The following AKAP11 variants were observed in gnomAD, a reference collection of about 807,000 sequenced individuals.
AKAP11 encodes the protein A-kinase anchoring protein 11.
AKAP11 carries 36 observed loss-of-function variants against 146.1 expected under a neutral mutation model. The observed-to-expected ratio is 0.25, with a 90% CI of 0.19 to 0.33. The LOEUF (loss-of-function observed/expected upper bound fraction) is 0.33. Ranked by LOEUF, AKAP11 falls within the 10% of genes least tolerant of loss-of-function variation. The probability of loss-of-function intolerance (pLI) is 1.00; values close to 1 mark genes in which losing one functional copy is unlikely to be tolerated. For missense variants in AKAP11, 2,201 were observed against 2,197.0 expected, an observed-to-expected ratio of 1.00 and a Z score of -0.04; for synonymous variants, 780 against 786.5, an observed-to-expected ratio of 0.99 and a Z score of 0.14.
intron 3 of AKAP11, among the ~76,000 whole-genome samples, chr13:42,286,876 C>T (rs1251423924): frequency 6.6e-6 from 1 of 152,166 alleles, no homozygotes; most frequent in African/African-American, 2.4e-5. Context: ...GGTTAACCTT[C>T]CATTTCTTGA....
At position 42,323,036 on chromosome 13, in the gene AKAP11, G is replaced by C. The variant is rs1466925773; in HGVS notation, c.*3808G>C. 3 of 152,670 alleles carry C rather than the reference G, an allele frequency of 2.0e-5. No individual in the cohort carries two copies. Among genetic ancestry groups the C allele is most frequent in the Non-Finnish European group, 4.4e-5 (3 of 67,992 alleles). The allele number at this position is 152,670 out of a possible 1,614,324, so 9.5% of individuals were successfully genotyped here. On this transcript the variant is annotated 3_prime_UTR_variant, in exon 13 of 13. Coordinates refer to ENST00000025301, the MANE Select transcript of AKAP11 (RefSeq NM_016248.4). ...TGCTCAGTTACTATATTAAGATCTTGTACTGTGTAACAGTAACTCTTTTTT... is the reference window on the plus strand; with the variant it reads ...TGCTCAGTTACTATATTAAGATCTTCTACTGTGTAACAGTAACTCTTTTTT...
rs1960980019 is a variant in AKAP11, at chr13:42,319,351, A to G, written c.*123A>G. The G allele has an allele frequency of 1.5e-6, 2 of 1,296,858 alleles. No homozygotes were observed. The highest frequency in any genetic ancestry group is 1.0e-6 in the Non-Finnish European group (1 of 964,564). The allele number at this position is 1,296,858 out of a possible 1,614,324, so 80.3% of individuals were successfully genotyped here. A position where few individuals can be genotyped will look rare whatever the true frequency, so the allele number is the denominator to read the frequency against. On this transcript the variant is annotated 3_prime_UTR_variant, in exon 13 of 13. Coordinates refer to ENST00000025301, the MANE Select transcript of AKAP11 (RefSeq NM_016248.4). ...CGTAAGTCAGTTGGGAGGCAAGTAA[A>G]TATAGCTTTCTGAGCGCTTTGTGTT...
intron 3 of AKAP11, 54 bp downstream of exon 3, chr13:42,286,453 T>C: frequency 7.7e-7 from 1 of 1,306,968 alleles, no homozygotes; most frequent in Non-Finnish European, 1.1e-6. Context: ...AAAATGTTGA[T>C]TTTTTTTTAA....
In AKAP11 at chr13:42,303,992, G is replaced by C. The variant is rs868186358; in HGVS notation, c.5117+129G>C. On this transcript the variant is annotated intron_variant, in intron 8 of 12. Transcript: ENST00000025301. ...TACATAAACAAAAGTTTTCCCTGTT[G>C]CATTTATGTATTGTTTCATATCCTA... 11 of 1,190,440 alleles carry C rather than the reference G, an allele frequency of 9.2e-6. 1 individual carries two copies. The Middle Eastern group carries it at 1.9e-3, about 210-fold the overall frequency. The allele number at this position is 1,190,440 out of a possible 1,614,324, so 73.7% of individuals were successfully genotyped here. A position where few individuals can be genotyped will look rare whatever the true frequency, so the allele number is the denominator to read the frequency against.
chr13:42,298,429 CT>C, intron 6 of AKAP11, 103 bp from the exon 7 acceptor site: 1 of 1,248,232 alleles, frequency 8.0e-7, no homozygotes, highest in Non-Finnish European at 1.1e-6. Context: ...GCATGAATTT[CT>C]TGTTTGTTTT....
chr13:42,301,958 C>T lies in AKAP11; in HGVS notation c.3212C>T (p.Thr1071Ile), dbSNP rs1199375072. The part of the protein sequence containing the change: ...GQENPFPHSH[T>I]FSSTALTCVD... Reference sequence around the variant, plus strand: ...GAAAACCCCTTTCCTCATTCACATACTTTCTCATCTACAGCACTTACCTGT... The same window carrying T: ...GAAAACCCCTTTCCTCATTCACATATTTTCTCATCTACAGCACTTACCTGT... Residue 1071 changes from threonine (T) to isoleucine (I), a missense_variant, in exon 8 of 13, where the codon ACT becomes ATT. Thr to Ile is a moderately conservative substitution (Grantham distance 89). Coordinates refer to ENST00000025301, the MANE Select transcript of AKAP11 (RefSeq NM_016248.4). 6.2e-7 allele frequency: 1 copy of T among 1,614,174 alleles called. No homozygotes were observed. The highest frequency in any genetic ancestry group is 8.5e-7 in the Non-Finnish European group (1 of 1,180,000).
In AKAP11 at chr13:42,305,217, G is replaced by A. The variant is rs182712497; in HGVS notation, c.5117+1354G>A. Among the ~76,000 whole-genome samples the A allele has an allele frequency of 7.6e-4, 116 of 152,336 alleles. 4 individuals are homozygous for A. The highest frequency in any genetic ancestry group is 1.0e-4 in the Non-Finnish European group (7 of 68,034). ...TTAAGTTGAGGTGGAATTTAATTGA[G>A]TCACATGATATTCCAGATTTTTGAG... is the stretch of plus-strand genomic sequence containing the variant. On this transcript the variant is annotated intron_variant, in intron 8 of 12. Coordinates refer to ENST00000025301, the MANE Select transcript of AKAP11 (RefSeq NM_016248.4).
At chr13:42,274,599 G>T (rs540070229) in intron 1 of AKAP11, among the ~76,000 whole-genome samples, 2 of 150,672 alleles carry the variant, frequency 1.3e-5, no homozygotes, top group Non-Finnish European at 3.0e-5. Flanking sequence ...CACAAGAATC[G>T]CTTGAGCCTG....
At chr13:42,271,872 T>TCCGCGGGCTGCA (rs1253331718), upstream of AKAP11, among the ~76,000 whole-genome samples, 2 of 151,434 alleles carry the variant, frequency 1.3e-5, no homozygotes, top group East Asian at 1.9e-4. Context: ...CGCGGGCTGC[T>TCCGCGGGCTGCA]CCGCGGGCTG....
intron 9 of AKAP11, 135 bp from the exon 10 acceptor site, chr13:42,312,912 C>T: frequency 1.4e-6 from 1 of 697,046 alleles, no homozygotes; most frequent in Non-Finnish European, 2.4e-6. Flanking sequence ...TCAATCTCCT[C>T]TCTGGATGTT....
rs759460870 is a variant in AKAP11, at chr13:42,319,243, C to T, written c.*15C>T. 1.2e-6 allele frequency: 2 copies of T among 1,610,798 alleles called. No homozygotes were observed. Among genetic ancestry groups the T allele is most frequent in the East Asian group, 4.5e-5 (2 of 44,826 alleles). ...AAAATGCATAGAGCAAACCCCAAAC[C>T]AGTATATTTTAGTATTTGTTTGGGG... is the stretch of plus-strand genomic sequence containing the variant. On this transcript the variant is annotated 3_prime_UTR_variant, in exon 13 of 13. Coordinates refer to ENST00000025301, the MANE Select transcript of AKAP11 (RefSeq NM_016248.4).
chr13:42,297,697 G>C (rs1286589990), intron 6 of AKAP11, among the ~76,000 whole-genome samples: 1 of 151,896 alleles, frequency 6.6e-6, no homozygotes, highest in Non-Finnish European at 1.5e-5. Context: ...TCTTTACCAA[G>C]TATGATTTTG....
intron 9 of AKAP11, among the ~76,000 whole-genome samples, chr13:42,312,527 C>A (rs1289073654): frequency 1.3e-5 from 2 of 152,112 alleles, no homozygotes; most frequent in Non-Finnish European, 2.9e-5. Flanking sequence ...ACATGTTTTG[C>A]CCAAATAGTT....
chr13:42,273,555 G>A (rs1958833157), intron 1 of AKAP11, among the ~76,000 whole-genome samples: 1 of 152,154 alleles, frequency 6.6e-6, no homozygotes, highest in African/African-American at 2.4e-5. Flanking sequence ...AGCTGAGCTA[G>A]AGACTAATGT....
chr13:42,315,197 T>C (rs533802630), intron 11 of AKAP11, among the ~76,000 whole-genome samples: 1 of 152,336 alleles, frequency 6.6e-6, no homozygotes, highest in South Asian at 2.1e-4. Flanking sequence ...ACACCTTGTT[T>C]AGGGAAGTCA....
rs749940426 is a variant in AKAP11, at chr13:42,317,592, C to A, written c.5469C>A (p.Asp1823Glu). 2 of 1,614,070 alleles carry A rather than the reference C, an allele frequency of 1.2e-6. No homozygotes were observed. Among genetic ancestry groups the A allele is most frequent in the African/African-American group, 1.3e-5 (1 of 75,004 alleles). Residue 1823 changes from aspartate to glutamate, a missense_variant, in exon 12 of 13, where the codon GAC becomes GAA. By Grantham distance (45) the Asp-to-Glu change is conservative. Coordinates refer to ENST00000025301, the MANE Select transcript of AKAP11 (RefSeq NM_016248.4). ...TTGACATGGAGCCATGCACGGTAGA[C>A]CCCCAGCTAAGGATTATTCTTCAGT... ...TNIDMEPCTV[D>E]PQLRIILQWL...
At position 42,300,026 on chromosome 13, in the gene AKAP11, T is replaced by G; in HGVS notation, c.1280T>G (p.Leu427Arg). 6.2e-7 allele frequency: 1 copy of G among 1,613,954 alleles called. No homozygotes were observed. Among genetic ancestry groups the G allele is most frequent in the South Asian group, 1.1e-5 (1 of 91,078 alleles). Reference protein sequence around the residue: ...PRKPESPYGNLCDAPDSPRPV... With the variant: ...PRKPESPYGNRCDAPDSPRPV... ...AAACCAGAATCTCCATATGGTAACC[T>G]GTGTGATGCTCCGGATTCTCCTCGC... The change falls in exon 8 of 13, where the codon CTG (leucine) becomes CGG (arginine). Residue 427 changes from leucine to arginine, a missense_variant. Leu to Arg is a moderately radical substitution (Grantham distance 102, BLOSUM62 -2). Coordinates refer to ENST00000025301, the MANE Select transcript of AKAP11 (RefSeq NM_016248.4).
upstream of AKAP11, among the ~76,000 whole-genome samples, chr13:42,271,828 C>A (rs1202542039): frequency 2.6e-5 from 4 of 151,920 alleles, no homozygotes; most frequent in Non-Finnish European, 5.9e-5. Flanking sequence ...AATGGAGAGG[C>A]CCCCTTTAAG....
intron 1 of AKAP11, among the ~76,000 whole-genome samples, chr13:42,282,035 C>A (rs2138441857): frequency 6.8e-6 from 1 of 146,716 alleles, no homozygotes; most frequent in African/African-American, 2.5e-5. Context: ...GTGGTACAAT[C>A]TTGGCTCACT....
Sources: gnomAD v4.1 joint callset for allele counts (sites outside exome capture counted in the v4.1 genomes callset) on GRCh38, gnomAD v4.1.1 for gene constraint, MANE v1.5 for transcripts, NCBI Gene and HGNC (gene_info 2026-07-23, HGNC 2026-07-21) for gene names.